NEGR1: variants seen among roughly 807,000 people sequenced by gnomAD.
The protein encoded by NEGR1 is neuronal growth regulator 1, also known as IgLON family member 4.
NEGR1 carries 10 observed loss-of-function variants against 40.9 expected under a neutral mutation model. The observed-to-expected ratio is 0.24, with a 90% CI of 0.15 to 0.42. The LOEUF is 0.42. NEGR1 is among the 10% of genes least tolerant of loss of function. The pLI is 1.00. For synonymous variants in NEGR1, 185 were observed against 166.8 expected, an observed-to-expected ratio of 1.11 and a Z score of -0.84; for missense variants, 352 against 438.9, an observed-to-expected ratio of 0.80 and a Z score of 1.77.
chr1:72,131,665 T>C (rs1261458444), intron 1 of NEGR1, among the ~76,000 whole-genome samples: 2 of 152,170 alleles, frequency 1.3e-5, no homozygotes, highest in South Asian at 2.1e-4. Flanking sequence ...ATCTAATAAA[T>C]AGATTTTTCA....
At chr1:71,759,596 C>CCTTTTTTTT (rs1655866326) in intron 3 of NEGR1, among the ~76,000 whole-genome samples, 1 of 31,952 alleles carries the variant, frequency 3.1e-5, no homozygotes, top group African/African-American at 9.3e-5. Context: ...TGCGTCCAGG[C>CCTTTTTTTT]TTTTTTTTTT....
At chr1:71,528,799 C>CA (rs1202991038) in intron 6 of NEGR1, among the ~76,000 whole-genome samples, 1 of 151,026 alleles carries the variant, frequency 6.6e-6, no homozygotes, top group Admixed American at 6.6e-5. Flanking sequence ...GGTAAAAAAA[C>CA]AATTGTTTCG....
intron 1 of NEGR1, among the ~76,000 whole-genome samples, chr1:72,206,404 T>C (rs190714140): frequency 2.0e-5 from 3 of 152,248 alleles, no homozygotes; most frequent in Admixed American, 6.5e-5. Flanking sequence ...TAAAGTTCAT[T>C]GTAAGTATTC....
intron 1 of NEGR1, among the ~76,000 whole-genome samples, chr1:72,086,154 T>C (rs370109987): frequency 2.6e-5 from 4 of 152,060 alleles, no homozygotes; most frequent in East Asian, 3.9e-4. Context: ...TTTATAGCAA[T>C]TTCGATATTA....
chr1:71,491,666 G>A (rs1010957690), intron 6 of NEGR1, among the ~76,000 whole-genome samples: 3 of 150,884 alleles, frequency 2.0e-5, no homozygotes, highest in African/African-American at 4.9e-5. Flanking sequence ...CAACCTTACC[G>A]TGGCCAGCCC....
intron 6 of NEGR1, among the ~76,000 whole-genome samples, chr1:71,506,379 C>T (rs1382788105): frequency 1.3e-5 from 2 of 152,102 alleles, no homozygotes; most frequent in Non-Finnish European, 2.9e-5. Flanking sequence ...TTACTTTTGT[C>T]TCCAAGCTTC....
intron 1 of NEGR1, among the ~76,000 whole-genome samples, chr1:72,272,862 G>C (rs1655891286): frequency 6.6e-6 from 1 of 151,978 alleles, no homozygotes; most frequent in Non-Finnish European, 1.5e-5. Flanking sequence ...TAAATTACCA[G>C]CTATTTGGAA....
chr1:71,752,452 G>A (rs1655601605), intron 3 of NEGR1, among the ~76,000 whole-genome samples: 3 of 152,144 alleles, frequency 2.0e-5, no homozygotes, highest in Admixed American at 2.0e-4. Context: ...GGTTTTACTG[G>A]CCAGCTAGCT....
intron 1 of NEGR1, among the ~76,000 whole-genome samples, chr1:71,942,452 A>AATATATATATATATATAT (rs1409165579): frequency 6.1e-4 from 21 of 34,258 alleles, no homozygotes; most frequent in South Asian, 3.4e-3. Context: ...AAATTCTTTA[A>AATATATATATATATATAT]ATCTATATAT....
intron 2 of NEGR1, among the ~76,000 whole-genome samples, chr1:71,918,902 T>C (rs907425407): frequency 1.3e-5 from 2 of 152,174 alleles, no homozygotes; most frequent in Admixed American, 6.5e-5. Context: ...CAATGAAATA[T>C]CTGTTAAGCC....
chr1:71,909,641 G>T (rs1336144260), intron 2 of NEGR1, among the ~76,000 whole-genome samples: 1 of 152,132 alleles, frequency 6.6e-6, no homozygotes, highest in South Asian at 2.1e-4. Flanking sequence ...TAACTGGAAA[G>T]GGGTTTTTAT....
chr1:71,987,475 C>A (rs943274334), intron 1 of NEGR1, among the ~76,000 whole-genome samples: 5 of 152,114 alleles, frequency 3.3e-5, no homozygotes, highest in African/African-American at 1.2e-4. Context: ...ATAACGCCGA[C>A]CAAATAGTAC....
intron 1 of NEGR1, among the ~76,000 whole-genome samples, chr1:71,993,560 A>G (rs61767471): frequency 0.11 from 17,072 of 152,264 alleles, 1,053 homozygotes; most frequent in Middle Eastern, 0.19. Flanking sequence ...TATTAAAATT[A>G]TTATATTATC....
At chr1:71,747,985 T>G (rs1471310535) in intron 3 of NEGR1, among the ~76,000 whole-genome samples, 1 of 152,184 alleles carries the variant, frequency 6.6e-6, no homozygotes, top group Admixed American at 6.5e-5. Context: ...AGTCTACCAA[T>G]ATATTTTTTA....
intron 2 of NEGR1, among the ~76,000 whole-genome samples, chr1:71,885,843 A>G (rs572807216): frequency 6.6e-6 from 1 of 152,310 alleles, no homozygotes; most frequent in East Asian, 1.9e-4. Context: ...TATTTTTCAT[A>G]ACAAAACAAA....
At chr1:71,814,635 C>T (rs961959170) in intron 2 of NEGR1, among the ~76,000 whole-genome samples, 2 of 151,990 alleles carry the variant, frequency 1.3e-5, no homozygotes, top group African/African-American at 2.4e-5. Context: ...CTGGTTCAGC[C>T]TTGGGAGGGT....
chr1:71,883,690 A>C (rs1489247345), intron 2 of NEGR1, among the ~76,000 whole-genome samples: 3 of 151,582 alleles, frequency 2.0e-5, no homozygotes, highest in Non-Finnish European at 4.4e-5. Flanking sequence ...CTCATCATTT[A>C]CATTAGGTAT....
At chr1:71,927,511 T>C (rs889756096) in intron 2 of NEGR1, among the ~76,000 whole-genome samples, 1 of 152,068 alleles carries the variant, frequency 6.6e-6, no homozygotes, top group African/African-American at 2.4e-5. Flanking sequence ...CTTGCTAAAG[T>C]CTAAGATCAC....
intron 1 of NEGR1, among the ~76,000 whole-genome samples, chr1:72,179,623 T>C (rs1652293237): frequency 6.6e-6 from 1 of 152,118 alleles, no homozygotes; most frequent in African/African-American, 2.4e-5. Flanking sequence ...TAAATATCTA[T>C]AAGCATATTG....
Sources: gnomAD v4.1 joint callset for allele counts (sites outside exome capture counted in the v4.1 genomes callset) on GRCh38, gnomAD v4.1.1 for gene constraint, MANE v1.5 for transcripts, NCBI Gene and HGNC (gene_info 2026-07-23, HGNC 2026-07-21) for gene names.